The following FAM184A variants were observed in gnomAD, a reference collection of about 807,000 sequenced individuals.
FAM184A encodes the protein protein FAM184A.
FAM184A carries 99 observed loss-of-function variants against 143.8 expected under a neutral mutation model. The ratio of observed to expected loss-of-function variants is 0.69; its 90% CI spans 0.58 to 0.81. The LOEUF (loss-of-function observed/expected upper bound fraction) is 0.81. Ranked by LOEUF, FAM184A falls within the 40% of genes least tolerant of loss-of-function variation. The probability of loss-of-function intolerance (pLI) is 0.00; values close to 1 mark genes in which losing one functional copy is unlikely to be tolerated. For synonymous variants in FAM184A, 427 were observed against 446.4 expected (o/e 0.96, Z 0.55); for missense variants, 1,217 against 1,310.5 (o/e 0.93, Z 1.10).
At position 118,979,298 on chromosome 6, in the gene FAM184A, T is replaced by G. The variant is rs981994955; in HGVS notation, c.2455+67A>C. On this transcript the variant is annotated intron_variant, in intron 11 of 17. Coordinates refer to ENST00000338891, the MANE Select transcript of FAM184A (RefSeq NM_024581.6). ...TTTAAAATAAAACTTGGTGATTTTATGTTGAATTTAAAAAATGTTAAAAAT... is the reference window on the plus strand; with the variant it reads ...TTTAAAATAAAACTTGGTGATTTTAGGTTGAATTTAAAAAATGTTAAAAAT... 2.1e-6 allele frequency: 3 copies of G among 1,437,254 alleles called. No homozygotes were observed. In the Admixed American group the frequency reaches 7.0e-5, roughly 34 times the overall value. The allele number at this position is 1,437,254 out of a possible 1,614,324, so 89.0% of individuals were successfully genotyped here.
At chr6:118,976,186 A>G (rs1232996460) in intron 11 of FAM184A, 142 bp from the exon 12 acceptor site, 2 of 762,672 alleles carry the variant, frequency 2.6e-6, no homozygotes, top group African/African-American at 3.6e-5. Context: ...ATAAACTATG[A>G]CAAATTTAAA....
chr6:118,974,750 C>A (rs1783798139), intron 13 of FAM184A, among the ~76,000 whole-genome samples, 176 bp from the exon 14 acceptor site: 1 of 152,080 alleles, frequency 6.6e-6, no homozygotes, highest in South Asian at 2.1e-4. Flanking sequence ...TTAAAGTTGT[C>A]TCCTTTAATG....
In FAM184A at chr6:118,964,514, T is replaced by C. The variant is rs140831356; in HGVS notation, c.3138+153A>G. ...TTCAGTTTCATTCTTAAAATGAACA[T>C]ATAAATAATTCATAAGTTTTAGTGC... On this transcript the variant is annotated intron_variant, in intron 16 of 17. Coordinates refer to ENST00000338891, the MANE Select transcript of FAM184A (RefSeq NM_024581.6). 7.4e-3 allele frequency among the ~76,000 whole-genome samples: 1,130 copies of C among 151,934 alleles called. 9 individuals carry two copies. The highest frequency in any genetic ancestry group is 0.026 in the Admixed American group (400 of 15,296).
At chr6:119,033,263 G>T (rs1452391624) in intron 1 of FAM184A, among the ~76,000 whole-genome samples, 1 of 152,130 alleles carries the variant, frequency 6.6e-6, no homozygotes, top group African/African-American at 2.4e-5. Flanking sequence ...CTTCGGAGGT[G>T]ATGAAATTGC....
At position 119,069,056 on chromosome 6, in the gene FAM184A, G is replaced by A. The variant is rs374381718; in HGVS notation, c.159+9085C>T. ...TTGGAAAATATATGTGAAGTATTAG[G>A]TTGGCACAAAAGCAACTGAGGTTCT... is the stretch of plus-strand genomic sequence containing the variant. On this transcript the variant is annotated intron_variant, in intron 1 of 17. Transcript: ENST00000338891. 13 of 375,460 alleles carry A rather than the reference G, an allele frequency of 3.5e-5. No homozygotes were observed. In the East Asian group the frequency reaches 1.0e-3, roughly 29 times the overall value. The allele number at this position is 375,460 out of a possible 1,614,324, so 23.3% of individuals were successfully genotyped here.
rs1788829541 is a variant in FAM184A at position 119,107,844 on chromosome 6, C to A, written c.-202+41234G>T. ...GTTCATTGGTCCTCAAGTTTCAAAG[C>A]CAGAGTTATTGTCAGTTCATTGTTG... On this transcript the variant is annotated intron_variant, in intron 1 of 16. Transcript: ENST00000352896. Among the ~76,000 whole-genome samples, 3 of 151,326 alleles carry A rather than the reference C, an allele frequency of 2.0e-5. No individual in the cohort carries two copies. In the South Asian group the frequency reaches 6.3e-4, roughly 32 times the overall value.
At chr6:119,007,807 G>A (rs1230694008) in intron 6 of FAM184A, among the ~76,000 whole-genome samples, 2 of 152,110 alleles carry the variant, frequency 1.3e-5, no homozygotes, top group Non-Finnish European at 2.9e-5. Context: ...CGGGTGTGGT[G>A]GCGCGCGACT....
rs369538995 is a variant in FAM184A at position 119,002,665 on chromosome 6, TA to T, written c.2088+233del. On this transcript the variant is annotated intron_variant, in intron 9 of 17. Transcript: ENST00000338891. ...AATATATTCAGGTCAAATATTAAACTAAAAAATCATAATAAATTCTTCTCGG... is the reference window on the plus strand; with the variant it reads ...AATATATTCAGGTCAAATATTAAACTAAAAATCATAATAAATTCTTCTCGG... 7.5e-3 allele frequency among the ~76,000 whole-genome samples: 1,137 copies of T among 152,212 alleles called. 6 individuals carry two copies. The highest frequency in any genetic ancestry group is 0.024 in the Middle Eastern group (7 of 294).
chr6:119,086,145 G>A lies in FAM184A; in HGVS notation c.-201-61332C>T, dbSNP rs564023324. ...TAAAAAAATCTAGCAAAGTTAGCATGTGAAAGAGAGAAAATGAGAGAAACT... is the reference window on the plus strand; with the variant it reads ...TAAAAAAATCTAGCAAAGTTAGCATATGAAAGAGAGAAAATGAGAGAAACT... On this transcript the variant is annotated intron_variant, in intron 1 of 16. Transcript: ENST00000352896. Among the ~76,000 whole-genome samples, 3 of 152,294 alleles carry A rather than the reference G, an allele frequency of 2.0e-5. No homozygotes were observed. In the East Asian group the frequency reaches 5.8e-4, roughly 29 times the overall value.
Position 119,003,618 on chromosome 6 carries a change from T to C in FAM184A, c.1820A>G (p.Glu607Gly). The stretch of plus-strand genomic sequence containing the variant: ...ATGCTGTTGCCTTTCTTGTTCTAGC[T>C]CACCCTGAAGAATAAAAACTTTTCA... ...TKDALLNVEG[E>G]LEQERQQHEE... The change falls in exon 8 of 18, where the codon GAG becomes GGG. Residue 607 changes from glutamate (E) to glycine (G), a missense_variant. By Grantham distance (98) the Glu-to-Gly change is moderately conservative (BLOSUM62 -2). Transcript: ENST00000338891. 1.2e-6 allele frequency: 2 copies of C among 1,608,612 alleles called. No individual in the cohort carries two copies. The highest frequency in any genetic ancestry group is 1.7e-6 in the Non-Finnish European group (2 of 1,177,820).
intron 1 of FAM184A, among the ~76,000 whole-genome samples, chr6:119,127,302 A>T (rs943669141): frequency 2.0e-5 from 3 of 152,178 alleles, no homozygotes; most frequent in African/African-American, 7.2e-5. Flanking sequence ...TTAGTGTTTG[A>T]TTGAAAAACT....
chr6:118,962,016 A>T (rs762569148), intron 16 of FAM184A, 53 bp from the exon 17 acceptor site: 5 of 1,549,536 alleles, frequency 3.2e-6, no homozygotes, highest in Non-Finnish European at 3.6e-6. Context: ...GACAAATGAG[A>T]AAATAGGAAT....
At chr6:118,976,163 AAATT>A (rs1783840404) in intron 11 of FAM184A, 119 bp from the exon 12 acceptor site, 2 of 865,802 alleles carry the variant, frequency 2.3e-6, no homozygotes, top group Admixed American at 2.8e-5. Flanking sequence ...TATGTCCATT[AAATT>A]AATAGATTAT....
intron 1 of FAM184A, among the ~76,000 whole-genome samples, chr6:119,094,470 C>G (rs536300552): frequency 2.0e-5 from 3 of 152,324 alleles, no homozygotes; most frequent in Non-Finnish European, 4.4e-5. Context: ...TTCCCTTCCA[C>G]AACATCCTGT....
chr6:119,058,358 A>G (rs1032986937), intron 1 of FAM184A, among the ~76,000 whole-genome samples: 6 of 151,382 alleles, frequency 4.0e-5, no homozygotes, highest in Non-Finnish European at 8.8e-5. Context: ...GCGCCACCAC[A>G]TCTAGCTAAT....
chr6:119,013,312 C>T (rs1054989741), intron 5 of FAM184A, among the ~76,000 whole-genome samples: 2 of 151,986 alleles, frequency 1.3e-5, no homozygotes, highest in Admixed American at 6.6e-5. Context: ...GTAAAAATGA[C>T]GTTGATGAAA....
chr6:118,991,688 A>T (rs1171170930), intron 9 of FAM184A, among the ~76,000 whole-genome samples: 1 of 147,626 alleles, frequency 6.8e-6, no homozygotes, highest in Non-Finnish European at 1.5e-5. Flanking sequence ...AAGGTTTAGT[A>T]GGACAGTGAG....
rs1171697931 is a variant in FAM184A, at chr6:119,138,917, CACCCAGCCCCTTTCATTTATAATGATT to C, written c.-202+10134_-202+10160del. ...CTGGGATTACAGGCATGAGCCACCG[CACCCAGCCCCTTTCATTTATAATGATT>C]CTTGTGGTTATATCAGGCCTACCGG... On this transcript the variant is annotated intron_variant, in intron 1 of 16. Coordinates refer to the FAM184A transcript ENST00000352896. 6.6e-5 allele frequency among the ~76,000 whole-genome samples: 10 copies of C among 152,176 alleles called. No homozygotes were observed. The East Asian group carries it at 1.7e-3, about 26-fold the overall frequency.
chr6:119,024,713 G>C lies in FAM184A; in HGVS notation c.260C>G (p.Thr87Arg). ...TTTATACTGCAATATTTTTTCTCTT[G>C]TTTCAGCAAGAATTTGTTGAATTTC... The part of the protein sequence containing the change: ...EEEIQQILAE[T>R]REKILQYKSK... The change falls in exon 2 of 18, where the codon ACA becomes AGA. Residue 87 changes from threonine to arginine, a missense_variant. Coordinates refer to ENST00000338891, the MANE Select transcript of FAM184A (RefSeq NM_024581.6). 6.2e-7 allele frequency: 1 copy of C among 1,613,688 alleles called. No homozygotes were observed. The highest frequency in any genetic ancestry group is 1.7e-4 in the Middle Eastern group (1 of 6,060).
Sources: allele counts gnomAD v4.1 joint callset (sites outside exome capture counted in the v4.1 genomes callset), GRCh38; gene constraint gnomAD v4.1.1; transcripts MANE v1.5; gene names NCBI Gene and HGNC (gene_info 2026-07-23, HGNC 2026-07-21).